KCNC3: variants seen among roughly 807,000 people sequenced by gnomAD.
KCNC3 encodes voltage-gated potassium channel KCNC3.
Under a neutral mutation model 43.9 loss-of-function variants are expected in KCNC3, and 22 were observed. The ratio of observed to expected loss-of-function variants is 0.50; its 90% CI spans 0.36 to 0.72. KCNC3 has a LOEUF of 0.72. KCNC3 is among the 30% of genes least tolerant of loss of function. The probability of loss-of-function intolerance (pLI) is 0.00; values close to 1 mark genes in which losing one functional copy is unlikely to be tolerated. For synonymous variants in KCNC3, 492 were observed against 488.0 expected (o/e 1.01, Z -0.11); for missense variants, 829 against 1,073.8 (o/e 0.77, Z 3.19).
At chr19:50,331,119 C>T (rs902265887), upstream of KCNC3, among the ~76,000 whole-genome samples, 1 of 150,214 alleles carries the variant, frequency 6.7e-6, no homozygotes, top group Non-Finnish European at 1.5e-5. Context: ...AGTATTTGTG[C>T]CGCCGTCTCT....
intron 4 of KCNC3, among the ~76,000 whole-genome samples, chr19:50,316,593 G>A (rs1333173800): frequency 4.6e-5 from 7 of 152,122 alleles, no homozygotes; most frequent in East Asian, 1.9e-4. Context: ...AAAATTAGCC[G>A]GGTGTGGTGG....
upstream of KCNC3, among the ~76,000 whole-genome samples, chr19:50,330,729 G>A (rs1480439039): frequency 6.6e-6 from 1 of 152,070 alleles, no homozygotes; most frequent in Non-Finnish European, 1.5e-5. Context: ...AGGCAGGACC[G>A]ATAAAAAATG....
chr19:50,328,301 G>A lies in KCNC3; in HGVS notation c.782C>T (p.Ala261Val). The A allele has an allele frequency of 1.7e-6, 2 of 1,148,208 alleles. No homozygotes were observed. The highest frequency in any genetic ancestry group is 2.1e-6 in the Non-Finnish European group (2 of 938,214). The allele number at this position is 1,148,208 out of a possible 1,614,324, so 71.1% of individuals were successfully genotyped here. A position where few individuals can be genotyped will look rare whatever the true frequency, so the allele number is the denominator to read the frequency against. Reference protein sequence around the residue: ...GGGAGGPPGGAGGAGGTWWRR... With the variant: ...GGGAGGPPGGVGGAGGTWWRR... Reference sequence around the variant, plus strand: ...CCACCATGTGCCGCCCGCGCCGCCCGCGCCCCCTGGCGGCCCCCCGGCGCC... The same window carrying A: ...CCACCATGTGCCGCCCGCGCCGCCCACGCCCCCTGGCGGCCCCCCGGCGCC... Residue 261 changes from alanine (A) to valine (V), a missense_variant, in exon 1 of 5, where the codon GCG becomes GTG. Physicochemically the swap from Ala to Val is moderately conservative, Grantham distance 64 (BLOSUM62 0). Around this residue, in one of 7 missense-constraint regions of KCNC3, gnomAD observed 60 missense variants for 56.0 expected, o/e 1.07. Coordinates refer to ENST00000477616, the MANE Select transcript of KCNC3 (RefSeq NM_004977.3).
chr19:50,325,869 G>C (rs930379136), intron 1 of KCNC3, among the ~76,000 whole-genome samples: 1 of 152,048 alleles, frequency 6.6e-6, no homozygotes, highest in African/African-American at 2.4e-5. Context: ...GCTTTCCGGC[G>C]GGAGGCCAAG....
chr19:50,325,609 T>C (rs546642667), intron 1 of KCNC3, among the ~76,000 whole-genome samples: 78 of 152,140 alleles, frequency 5.1e-4, no homozygotes, highest in African/African-American at 1.8e-3. Flanking sequence ...CACCTTCGCT[T>C]CTCTGCAGTG....
chr19:50,321,081 G>A (rs1285511081), intron 2 of KCNC3, among the ~76,000 whole-genome samples: 1 of 151,932 alleles, frequency 6.6e-6, no homozygotes, highest in Non-Finnish European at 1.5e-5. Flanking sequence ...ACAGATTGTG[G>A]TGGTGCAGGG....
intron 4 of KCNC3, among the ~76,000 whole-genome samples, chr19:50,317,109 G>A (rs529883124): frequency 1.3e-5 from 2 of 151,426 alleles, no homozygotes; most frequent in South Asian, 4.2e-4. Flanking sequence ...GGGAACAGAG[G>A]AAGGTAAAGG....
At chr19:50,318,995 A>C (rs2036992560) in intron 4 of KCNC3, among the ~76,000 whole-genome samples, 1 of 151,124 alleles carries the variant, frequency 6.6e-6, no homozygotes, top group African/African-American at 2.4e-5. Flanking sequence ...CAGTCTCAAA[A>C]AAAAAAAAAA....
At chr19:50,331,457 C>T (rs1032105973), upstream of KCNC3, among the ~76,000 whole-genome samples, 3 of 151,586 alleles carry the variant, frequency 2.0e-5, no homozygotes, top group African/African-American at 4.9e-5. Context: ...GAGTCTGTCT[C>T]CTCCTTGCTC....
intron 1 of KCNC3, among the ~76,000 whole-genome samples, chr19:50,325,305 G>T (rs916669112): frequency 6.6e-6 from 1 of 152,280 alleles, no homozygotes; most frequent in South Asian, 2.1e-4. Context: ...TTAATCCTGC[G>T]GGTAGTGGAG....
In KCNC3 at chr19:50,314,486, G is replaced by C. The variant is rs577874546; in HGVS notation, c.*1629C>G. ...CTTATTGCTGAGGTGGACTTGGAGTGGGGGCTCCAGGTTAGGGAAGGCATG... is the reference window on the plus strand; with the variant it reads ...CTTATTGCTGAGGTGGACTTGGAGTCGGGGCTCCAGGTTAGGGAAGGCATG... On this transcript the variant is annotated 3_prime_UTR_variant, in exon 5 of 5. Coordinates refer to ENST00000477616, the MANE Select transcript of KCNC3 (RefSeq NM_004977.3). The C allele has an allele frequency of 5.5e-6, 1 of 182,360 alleles. No homozygotes were observed. The highest frequency in any genetic ancestry group is 8.6e-5 in the South Asian group (1 of 11,578). The allele number at this position is 182,360 out of a possible 1,614,324, so 11.3% of individuals were successfully genotyped here.
At chr19:50,320,805 A>G in intron 2 of KCNC3, 21 bp from the exon 3 acceptor site, 3 of 1,611,824 alleles carry the variant, frequency 1.9e-6, no homozygotes, top group Non-Finnish European at 2.5e-6. Context: ...AGGGGGTCAG[A>G]CAGAGAGACA....
In KCNC3 at chr19:50,312,410, T is replaced by A. The variant is rs1421419189; in HGVS notation, c.*3705A>T. The A allele has an allele frequency of 1.3e-5, 2 of 152,072 alleles. No individual in the cohort carries two copies. Among genetic ancestry groups the A allele is most frequent in the East Asian group, 3.9e-4 (2 of 5,106 alleles). 9.4% of individuals were successfully genotyped at this position (152,072 alleles called of 1,614,324 possible). A position where few individuals can be genotyped will look rare whatever the true frequency, so the allele number is the denominator to read the frequency against. Reference sequence around the variant, plus strand: ...CCGCCCCCTGGCCCGTGTCCGTGCGTTCCCGGAGCGCAGGAGGGGTGCGAC... The same window carrying A: ...CCGCCCCCTGGCCCGTGTCCGTGCGATCCCGGAGCGCAGGAGGGGTGCGAC... On this transcript the variant is annotated 3_prime_UTR_variant, in exon 5 of 5. Transcript: ENST00000477616.
chr19:50,330,641 G>A (rs2037176965), upstream of KCNC3, among the ~76,000 whole-genome samples: 1 of 151,976 alleles, frequency 6.6e-6, no homozygotes, highest in Non-Finnish European at 1.5e-5. Flanking sequence ...GTGAGGAGGG[G>A]GCACGCAAGG....
At position 50,328,442 on chromosome 19, in the gene KCNC3, G is replaced by C. The variant is rs1476811668; in HGVS notation, c.641C>G (p.Ala214Gly). ...APDPAGAANA[A>G]NAAGAHDGGL... is the part of the protein sequence containing the mutation. ...TCCGTCGTGGGCGCCTGCGGCGTTG[G>C]CGGCGTTGGCGGCGCCCGCGGGGTC... The change falls in exon 1 of 5, where the codon GCC becomes GGC. Residue 214 changes from alanine (A) to glycine (G), a missense_variant. Physicochemically the swap from Ala to Gly is moderately conservative, Grantham distance 60 (BLOSUM62 0). This residue lies in a region of KCNC3 where 121 missense variants were observed against 247.4 expected (regional missense o/e 0.49). Coordinates refer to ENST00000477616, the MANE Select transcript of KCNC3 (RefSeq NM_004977.3). 17 of 1,570,318 alleles carry C rather than the reference G, an allele frequency of 1.1e-5. No individual in the cohort carries two copies. Among genetic ancestry groups the C allele is most frequent in the African/African-American group, 1.4e-5 (1 of 72,526 alleles).
intron 2 of KCNC3, among the ~76,000 whole-genome samples, chr19:50,321,734 C>G (rs1402092100): frequency 6.6e-6 from 1 of 151,866 alleles, no homozygotes; most frequent in Non-Finnish European, 1.5e-5. Context: ...GTTTCCACTG[C>G]ACTCCGGCCT....
At position 50,329,059 on chromosome 19, in the gene KCNC3, C is replaced by G; in HGVS notation, c.24G>C (p.Ser8=). MLSSVCV[S]SFRGRQGASK... is the part of the protein sequence containing the mutation. ...TGGCCCCCTGGCGCCCGCGGAAGGACGAGACGCAGACTGAGCTCAGCATTG... is the reference window on the plus strand; with the variant it reads ...TGGCCCCCTGGCGCCCGCGGAAGGAGGAGACGCAGACTGAGCTCAGCATTG... Residue 8 remains serine (S), a synonymous_variant, in exon 1 of 5, where the codon TCG becomes TCC. Transcript: ENST00000477616. The G allele has an allele frequency of 3.0e-6, 4 of 1,322,988 alleles. No homozygotes were observed. The highest frequency in any genetic ancestry group is 3.2e-5 in the East Asian group (1 of 31,162). The allele number at this position is 1,322,988 out of a possible 1,614,324, so 82.0% of individuals were successfully genotyped here.
chr19:50,320,496 A>G (rs1601095306), intron 3 of KCNC3, 97 bp downstream of exon 3: 1 of 1,161,110 alleles, frequency 8.6e-7, no homozygotes. Flanking sequence ...GGGGGAAGGG[A>G]AGTCCACCGC....
At chr19:50,320,559 G>A in intron 3 of KCNC3, 34 bp downstream of exon 3, 1 of 1,589,514 alleles carries the variant, frequency 6.3e-7, no homozygotes, top group Non-Finnish European at 8.6e-7. Flanking sequence ...GAGAGAGGGA[G>A]GGTCCCAGGG....
Sources: gnomAD v4.1 joint callset for allele counts (sites outside exome capture counted in the v4.1 genomes callset) on GRCh38, gnomAD v4.1.1 for gene constraint, gnomAD v4.1.1 regional missense constraint, MANE v1.5 for transcripts, NCBI Gene and HGNC (gene_info 2026-07-23, HGNC 2026-07-21) for gene names.